Variants in BRINP3 observed in about 807,000 individuals in gnomAD.
BRINP3 encodes the protein BMP/retinoic acid inducible neural specific 3.
BRINP3 carries 19 observed loss-of-function variants against 71.0 expected under a neutral mutation model. The ratio of observed to expected loss-of-function variants is 0.27; its 90% CI spans 0.19 to 0.39. The LOEUF (loss-of-function observed/expected upper bound fraction) is 0.39, where lower values mean the gene tolerates loss of function less well. BRINP3 is among the 10% of genes least tolerant of loss of function. BRINP3 has a pLI of 1.00. For synonymous variants in BRINP3, 380 were observed against 337.7 expected (o/e 1.13, Z -1.37); for missense variants, 959 against 940.8 (o/e 1.02, Z -0.25).
chr1:190,220,863 C>A (rs996812484), intron 6 of BRINP3, among the ~76,000 whole-genome samples: 1 of 152,088 alleles, frequency 6.6e-6, no homozygotes, highest in African/African-American at 2.4e-5. Context: ...AAATTAAGTA[C>A]AAGGACAAAC....
chr1:190,178,472 C>A (rs572121035), intron 6 of BRINP3, among the ~76,000 whole-genome samples: 1 of 152,082 alleles, frequency 6.6e-6, no homozygotes. Flanking sequence ...AATAAATGCA[C>A]CTTTTTGCCA....
At position 190,098,759 on chromosome 1, in the gene BRINP3, G is replaced by A; in HGVS notation, c.1560C>T (p.Arg520=). 1.2e-6 allele frequency: 2 copies of A among 1,614,194 alleles called. No individual in the cohort carries two copies. The highest frequency in any genetic ancestry group is 1.7e-6 in the Non-Finnish European group (2 of 1,180,044). ...AGGAGGGATCAAACCAGCTATTGAG[G>A]CGCATGTCATTGCTGATAAAAATGG... ...VHAIFISNDM[R]LNSWFDPSWR... Residue 520 remains arginine (R), a synonymous_variant, in exon 8 of 8, where the codon CGC becomes CGT. Coordinates refer to ENST00000367462, the MANE Select transcript of BRINP3 (RefSeq NM_199051.3).
intron 1 of BRINP3, among the ~76,000 whole-genome samples, chr1:190,457,062 T>G (rs957488593): frequency 1.3e-5 from 2 of 152,056 alleles, no homozygotes; most frequent in Non-Finnish European, 2.9e-5. Context: ...CAACAACCAA[T>G]ATAGCAAATT....
At chr1:190,351,969 T>C (rs921567878) in intron 2 of BRINP3, among the ~76,000 whole-genome samples, 1 of 152,048 alleles carries the variant, frequency 6.6e-6, no homozygotes, top group African/African-American at 2.4e-5. Context: ...ATTTCAAACA[T>C]TTTAAATTTT....
At chr1:190,336,941 A>C (rs1667329654) in intron 2 of BRINP3, among the ~76,000 whole-genome samples, 1 of 151,396 alleles carries the variant, frequency 6.6e-6, no homozygotes, top group Admixed American at 6.6e-5. Context: ...CAAGAATACT[A>C]ATGAATATTT....
At chr1:190,367,266 C>G (rs767208483) in intron 2 of BRINP3, among the ~76,000 whole-genome samples, 1 of 152,178 alleles carries the variant, frequency 6.6e-6, no homozygotes, top group Non-Finnish European at 1.5e-5. Flanking sequence ...GACCCACAGG[C>G]CCAGTATAAT....
chr1:190,407,097 G>A (rs1052454024), intron 2 of BRINP3, among the ~76,000 whole-genome samples: 6 of 152,148 alleles, frequency 3.9e-5, no homozygotes, highest in African/African-American at 1.4e-4. Context: ...TTTTATAGCA[G>A]TTGAAATTGA....
rs556890392 is a variant in BRINP3 at position 190,173,951 on chromosome 1, C to A, written c.962-13061G>T. 3.3e-5 allele frequency among the ~76,000 whole-genome samples: 5 copies of A among 152,106 alleles called. No homozygotes were observed. In the South Asian group the frequency reaches 6.2e-4, roughly 19 times the overall value. On this transcript the variant is annotated intron_variant, in intron 6 of 7. Coordinates refer to ENST00000367462, the MANE Select transcript of BRINP3 (RefSeq NM_199051.3). ...GTAGATTCTAGACCTGTCCTCTGTA[C>A]ACTTGTTAGAGAATAAAAGTAAAAA...
chr1:190,433,080 G>A (rs552436679), intron 2 of BRINP3, among the ~76,000 whole-genome samples: 4 of 152,136 alleles, frequency 2.6e-5, no homozygotes, highest in South Asian at 2.1e-4. Flanking sequence ...TGAGTAGTTC[G>A]GAATATTGTT....
intron 2 of BRINP3, among the ~76,000 whole-genome samples, chr1:190,338,697 C>A (rs148217720): frequency 9.2e-5 from 14 of 151,618 alleles, no homozygotes; most frequent in Middle Eastern, 3.4e-3. Flanking sequence ...TCCTAGTGGG[C>A]TGTGTCTTGC....
At chr1:190,154,756 T>G (rs1293283437) in intron 7 of BRINP3, among the ~76,000 whole-genome samples, 1 of 152,158 alleles carries the variant, frequency 6.6e-6, no homozygotes, top group African/African-American at 2.4e-5. Context: ...GATAGCACTA[T>G]AATAGTTGAT....
intron 6 of BRINP3, among the ~76,000 whole-genome samples, chr1:190,195,572 A>C (rs1268453752): frequency 2.0e-5 from 3 of 151,930 alleles, no homozygotes; most frequent in Non-Finnish European, 4.4e-5. Flanking sequence ...TTTCCTTCAA[A>C]TTTTCCTATG....
At chr1:190,324,349 C>T in intron 2 of BRINP3, among the ~76,000 whole-genome samples, 1 of 151,780 alleles carries the variant, frequency 6.6e-6, no homozygotes, top group Middle Eastern at 3.2e-3. Context: ...ATGCCTGTCT[C>T]CAATACATAA....
intron 2 of BRINP3, among the ~76,000 whole-genome samples, chr1:190,365,661 ATT>A (rs1332847615): frequency 1.5e-4 from 19 of 124,150 alleles, no homozygotes; most frequent in East Asian, 4.7e-4. Flanking sequence ...GTAAAAATAT[ATT>A]ATAATTAATA....
intron 6 of BRINP3, among the ~76,000 whole-genome samples, chr1:190,200,956 C>T (rs980007672): frequency 2.0e-5 from 3 of 151,988 alleles, no homozygotes; most frequent in Non-Finnish European, 4.4e-5. Flanking sequence ...AGCATGAAAA[C>T]GGAGTAAAAC....
chr1:190,459,150 AT>A (rs1361289772), intron 1 of BRINP3, among the ~76,000 whole-genome samples: 34 of 150,726 alleles, frequency 2.3e-4, no homozygotes, highest in South Asian at 6.5e-4. Flanking sequence ...AAAAAAAAAA[AT>A]AACTGTGAAG....
intron 2 of BRINP3, among the ~76,000 whole-genome samples, chr1:190,309,269 T>G (rs1050251533): frequency 2.0e-5 from 3 of 151,214 alleles, no homozygotes; most frequent in Admixed American, 1.3e-4. Context: ...AGAGACAGAG[T>G]AGAATGGTAG....
At chr1:190,354,267 A>G (rs1049223929) in intron 2 of BRINP3, among the ~76,000 whole-genome samples, 1 of 151,940 alleles carries the variant, frequency 6.6e-6, no homozygotes, top group Non-Finnish European at 1.5e-5. Flanking sequence ...TTAATGTTTA[A>G]TTATCAAAGC....
intron 6 of BRINP3, among the ~76,000 whole-genome samples, chr1:190,214,775 A>G (rs1656261610): frequency 6.6e-6 from 1 of 152,008 alleles, no homozygotes; most frequent in Admixed American, 6.6e-5. Context: ...AGTCAATGGT[A>G]TAACTCACGC....
Sources: allele counts gnomAD v4.1 joint callset (sites outside exome capture counted in the v4.1 genomes callset), GRCh38; gene constraint gnomAD v4.1.1; transcripts MANE v1.5; gene names NCBI Gene and HGNC (gene_info 2026-07-23, HGNC 2026-07-21).